Variants in ANOS1 observed in about 807,000 individuals in gnomAD.
The protein encoded by ANOS1 is anosmin 1.
ANOS1 carries 6 observed loss-of-function variants against 59.0 expected under a neutral mutation model. The ratio of observed to expected loss-of-function variants is 0.10; its 90% CI spans 0.06 to 0.20. The LOEUF (loss-of-function observed/expected upper bound fraction) is 0.20, where lower values mean the gene tolerates loss of function less well. Among genes scored for constraint, ANOS1 ranks in the 10% least tolerant of loss-of-function variants. ANOS1 has a pLI of 1.00. For missense variants in ANOS1, 433 were observed against 542.3 expected (o/e 0.80, Z 2.00); for synonymous variants, 217 against 223.4 (o/e 0.97, Z 0.25).
At chrX:8,607,603 T>C (rs1298795390) in intron 3 of ANOS1, among the ~76,000 whole-genome samples, 1 of 111,226 alleles carries the variant, frequency 9.0e-6, no homozygotes, top group Non-Finnish European at 1.9e-5. Flanking sequence ...GCTCGAGAAG[T>C]TCACAAATCC....
At chrX:8,570,378 A>T in intron 7 of ANOS1, 121 bp downstream of exon 7, 1 of 611,269 alleles carries the variant, frequency 1.6e-6, no homozygotes, top group Non-Finnish European at 2.7e-6. Flanking sequence ...AATGAATGGG[A>T]GGGAAGCTTT....
intron 3 of ANOS1, among the ~76,000 whole-genome samples, chrX:8,607,390 C>T (rs1358079620): frequency 8.9e-6 from 1 of 111,844 alleles, no homozygotes; most frequent in Non-Finnish European, 1.9e-5. Flanking sequence ...AGCAGAAACA[C>T]GCATATTAGA....
chrX:8,581,320 T>C (rs1363198586), intron 6 of ANOS1, among the ~76,000 whole-genome samples: 2 of 111,681 alleles, frequency 1.8e-5, no homozygotes, highest in East Asian at 2.8e-4. Context: ...TGCCACCATG[T>C]AAGAAGAGTC....
At chrX:8,535,552 T>C in intron 12 of ANOS1, 39 bp downstream of exon 12, 2 of 1,062,295 alleles carry the variant, frequency 1.9e-6, no homozygotes, top group Non-Finnish European at 2.6e-6. Flanking sequence ...GAGCAGTAGA[T>C]ACCAATGACA....
intron 4 of ANOS1, among the ~76,000 whole-genome samples, chrX:8,594,658 G>GTATATATATATATATATATATA (rs767812487): frequency 8.9e-5 from 3 of 33,574 alleles, no homozygotes; most frequent in Non-Finnish European, 1.4e-4. Context: ...ATATATATGT[G>GTATATATATATATATATATATA]TATATATATA....
chrX:8,609,058 C>T (rs1381775976), intron 3 of ANOS1, among the ~76,000 whole-genome samples: 1 of 111,934 alleles, frequency 8.9e-6, no homozygotes, highest in Non-Finnish European at 1.9e-5. Context: ...GTACAAATTC[C>T]ATAAGTTAAG....
intron 3 of ANOS1, among the ~76,000 whole-genome samples, chrX:8,617,010 T>C (rs1931188895): frequency 8.9e-6 from 1 of 112,646 alleles, no homozygotes; most frequent in Non-Finnish European, 1.9e-5. Flanking sequence ...CATATATCTG[T>C]TTAAAAAGAA....
chrX:8,642,300 G>A (rs1416723354), intron 2 of ANOS1, among the ~76,000 whole-genome samples: 1 of 111,598 alleles, frequency 9.0e-6, no homozygotes, highest in African/African-American at 3.3e-5. Context: ...TATATGAAAT[G>A]TCTAGAATGA....
At chrX:8,570,752 A>G (rs149093542) in intron 6 of ANOS1, 48 bp from the exon 7 acceptor site, 1 of 1,068,176 alleles carries the variant, frequency 9.4e-7, no homozygotes. Context: ...CAAAACTAAC[A>G]TCTTTGGACA....
intron 2 of ANOS1, among the ~76,000 whole-genome samples, chrX:8,640,474 G>A (rs1222605688): frequency 1.8e-5 from 2 of 109,754 alleles, no homozygotes; most frequent in African/African-American, 3.3e-5. Flanking sequence ...CGATTGAGCC[G>A]TGAGACAGGG....
In ANOS1 at chrX:8,592,181, G is replaced by C. The variant is rs150774735; in HGVS notation, c.542-4203C>G. Among the ~76,000 whole-genome samples, 717 of 111,770 alleles carry C rather than the reference G, an allele frequency of 6.4e-3. 6 individuals carry two copies. Among genetic ancestry groups the C allele is most frequent in the African/African-American group, 0.022 (690 of 30,791 alleles). On this transcript the variant is annotated intron_variant, in intron 4 of 13. Coordinates refer to ENST00000262648, the MANE Select transcript of ANOS1 (RefSeq NM_000216.4). ...AAATGATATAAAAATGTAGCAAGAT[G>C]TATTGTTCTAGTGATTTAATCACTA...
intron 11 of ANOS1, among the ~76,000 whole-genome samples, chrX:8,536,188 C>CTTTTGTTTTTTTT (rs1929588086): frequency 3.1e-5 from 1 of 31,885 alleles, no homozygotes; most frequent in African/African-American, 1.1e-4. Context: ...AAATCCGAAG[C>CTTTTGTTTTTTTT]TTTTTTTTTT....
chrX:8,584,747 C>A (rs1226182719), intron 6 of ANOS1, among the ~76,000 whole-genome samples: 1 of 112,045 alleles, frequency 8.9e-6, no homozygotes, highest in Non-Finnish European at 1.9e-5. Context: ...CACTGTTGAT[C>A]TGATTACACA....
rs138362188 is a variant in ANOS1, at chrX:8,563,879, C to G, written c.1207+4353G>C. Among the ~76,000 whole-genome samples, 22 of 112,164 alleles carry G rather than the reference C, an allele frequency of 2.0e-4. No individual in the cohort carries two copies. In the East Asian group the frequency reaches 5.9e-3, roughly 30 times the overall value. ...GTAACCTCAATGGAGACCAGAGATACATGAGAACATCGAGCTTTGTAAGTG... is the reference window on the plus strand; with the variant it reads ...GTAACCTCAATGGAGACCAGAGATAGATGAGAACATCGAGCTTTGTAAGTG... On this transcript the variant is annotated intron_variant, in intron 8 of 13. Coordinates refer to ENST00000262648, the MANE Select transcript of ANOS1 (RefSeq NM_000216.4).
chrX:8,643,442 G>A (rs1931698821), intron 2 of ANOS1, among the ~76,000 whole-genome samples: 1 of 111,358 alleles, frequency 9.0e-6, no homozygotes, highest in Non-Finnish European at 1.9e-5. Flanking sequence ...TATCTAAGGG[G>A]TCTAGGGAGT....
At chrX:8,556,051 A>C (rs940857709) in intron 8 of ANOS1, among the ~76,000 whole-genome samples, 3 of 112,546 alleles carry the variant, frequency 2.7e-5, no homozygotes, top group Middle Eastern at 4.6e-3. Context: ...TACACAATCC[A>C]TCACATAAAC....
chrX:8,568,422 C>T (rs772447213), intron 7 of ANOS1, 46 bp from the exon 8 acceptor site: 14 of 1,114,076 alleles, frequency 1.3e-5, no homozygotes, highest in East Asian at 9.0e-5. Flanking sequence ...AAACCTTCCA[C>T]GTCTCTCATC....
intron 2 of ANOS1, among the ~76,000 whole-genome samples, chrX:8,671,011 C>T (rs964672065): frequency 1.8e-5 from 2 of 111,397 alleles, no homozygotes; most frequent in Non-Finnish European, 1.9e-5. Context: ...GAGTGAGCTA[C>T]CCACCTCTTC....
At chrX:8,594,763 TATA>T (rs768691260) in intron 4 of ANOS1, among the ~76,000 whole-genome samples, 10 of 74,712 alleles carry the variant, frequency 1.3e-4, no homozygotes, top group African/African-American at 5.1e-4. Flanking sequence ...TATATATATA[TATA>T]TTTTTTTTTT....
Sources: allele counts gnomAD v4.1 joint callset (sites outside exome capture counted in the v4.1 genomes callset), GRCh38; gene constraint gnomAD v4.1.1; transcripts MANE v1.5; gene names NCBI Gene and HGNC (gene_info 2026-07-23, HGNC 2026-07-21).